Variants in PREX1 observed in about 807,000 individuals in gnomAD.
PREX1 encodes phosphatidylinositol-3,4,5-trisphosphate dependent Rac exchange factor 1.
Under a neutral mutation model 198.3 loss-of-function variants are expected in PREX1, and 41 were observed. The ratio of observed to expected loss-of-function variants is 0.21; its 90% CI spans 0.16 to 0.27. PREX1 has a LOEUF of 0.27. PREX1 is among the 10% of genes least tolerant of loss of function. PREX1 has a pLI of 1.00. For missense variants in PREX1, 1,620 were observed against 2,200.7 expected, an observed-to-expected ratio of 0.74 and a Z score of 5.28; for synonymous variants, 843 against 887.2, an observed-to-expected ratio of 0.95 and a Z score of 0.89.
chr20:48,700,609 T>C (rs1366414641), intron 7 of PREX1, 144 bp downstream of exon 7: 8 of 1,043,764 alleles, frequency 7.7e-6, no homozygotes, highest in South Asian at 3.5e-5. Flanking sequence ...GTGGCTTGCA[T>C]TGTATTCCTA....
chr20:48,833,135 G>T, the PREX1 span, among the ~76,000 whole-genome samples: 1 of 152,174 alleles, frequency 6.6e-6, no homozygotes, highest in African/African-American at 2.4e-5. Context: ...TTGTTGTGCA[G>T]GTTAAAATAT....
At chr20:48,653,273 G>GT (rs2089514669) in intron 20 of PREX1, 88 bp downstream of exon 20, 3 of 1,541,884 alleles carry the variant, frequency 1.9e-6, no homozygotes, top group Non-Finnish European at 2.6e-6. Flanking sequence ...GGTACATGCA[G>GT]GCTTTTCTCT....
chr20:48,779,283 T>C (rs1327250955), intron 1 of PREX1, among the ~76,000 whole-genome samples: 1 of 152,186 alleles, frequency 6.6e-6, no homozygotes, highest in African/African-American at 2.4e-5. Context: ...TAAGTTAAAA[T>C]TACAATGGGA....
intron 6 of PREX1, among the ~76,000 whole-genome samples, chr20:48,704,618 G>A (rs1243455122): frequency 6.6e-6 from 1 of 151,620 alleles, no homozygotes; most frequent in Non-Finnish European, 1.5e-5. Flanking sequence ...GAGTGCAGTG[G>A]TGTGATCTCA....
rs750667359 is a variant in PREX1 at position 48,630,802 on chromosome 20, A to G, written c.4527-8T>C. 1.3e-6 allele frequency: 2 copies of G among 1,564,434 alleles called. No homozygotes were observed. Among genetic ancestry groups the G allele is most frequent in the South Asian group, 1.1e-5 (1 of 90,014 alleles). On this transcript the variant is annotated splice_region_variant and splice_polypyrimidine_tract_variant and intron_variant, in intron 35 of 39. Transcript: ENST00000371941. Reference sequence around the variant, plus strand: ...CGCTCCAGGTAAAATGCCCTGCGAGAGAAAGATGGGAATGAGGCGGGGGCC... The same window carrying G: ...CGCTCCAGGTAAAATGCCCTGCGAGGGAAAGATGGGAATGAGGCGGGGGCC...
At chr20:48,661,761 C>T (rs1158940464) in intron 15 of PREX1, among the ~76,000 whole-genome samples, 1 of 151,710 alleles carries the variant, frequency 6.6e-6, no homozygotes, top group Non-Finnish European at 1.5e-5. Context: ...GACGGGGAGA[C>T]TAAGACTCAG....
At position 48,629,438 on chromosome 20, in the gene PREX1, C is replaced by G; in HGVS notation, c.4766+11G>C. On this transcript the variant is annotated intron_variant, in intron 37 of 39. Transcript: ENST00000371941. The stretch of plus-strand genomic sequence containing the variant: ...CCTCCCCACACCCCGACTCAGCGGG[C>G]AGCAGCTCACCTCTGCATGCCTGTG... 6.2e-7 allele frequency: 1 copy of G among 1,610,478 alleles called. No individual in the cohort carries two copies. Among genetic ancestry groups the G allele is most frequent in the Non-Finnish European group, 8.5e-7 (1 of 1,177,774 alleles).
At position 48,668,170 on chromosome 20, in the gene PREX1, C is replaced by T. The variant is rs187386689; in HGVS notation, c.1666-1815G>A. Among the ~76,000 whole-genome samples the T allele has an allele frequency of 7.3e-3, 1,103 of 152,122 alleles. 23 individuals carry two copies. The highest frequency in any genetic ancestry group is 0.048 in the Admixed American group (730 of 15,280). On this transcript the variant is annotated intron_variant, in intron 14 of 39. Transcript: ENST00000371941. Reference sequence around the variant, plus strand: ...ACGTGTGTGTGTGTGTGCGTGCATGCGCATGTGCAGGTGGGAGGGACTGTC... The same window carrying T: ...ACGTGTGTGTGTGTGTGCGTGCATGTGCATGTGCAGGTGGGAGGGACTGTC...
At chr20:48,769,938 T>G (rs1448539060) in intron 1 of PREX1, among the ~76,000 whole-genome samples, 1 of 152,198 alleles carries the variant, frequency 6.6e-6, no homozygotes, top group East Asian at 1.9e-4. Flanking sequence ...TTGTCTGTAT[T>G]GTGCACTGCG....
rs116203766 is a variant in PREX1, at chr20:48,667,090, C to T, written c.1666-735G>A. ...CCTGGCCCTTTCTTTCTCTTCCTCC[C>T]GCCTGGAACAAAGATGTGGTGGCTG... On this transcript the variant is annotated intron_variant, in intron 14 of 39. Coordinates refer to ENST00000371941, the MANE Select transcript of PREX1 (RefSeq NM_020820.4). Among the ~76,000 whole-genome samples, 307 of 152,244 alleles carry T rather than the reference C, an allele frequency of 2.0e-3. 1 individual carries two copies. The highest frequency in any genetic ancestry group is 6.6e-3 in the African/African-American group (275 of 41,530).
chr20:48,883,694 T>G, the PREX1 span, among the ~76,000 whole-genome samples: 1 of 152,018 alleles, frequency 6.6e-6, no homozygotes, highest in Non-Finnish European at 1.5e-5. Context: ...AGTACAAAAC[T>G]TATGCTGTGA....
chr20:48,676,362 C>A, intron 13 of PREX1, 94 bp from the exon 14 acceptor site: 1 of 1,151,706 alleles, frequency 8.7e-7, no homozygotes, highest in South Asian at 1.2e-5. Context: ...GCCCACGAGT[C>A]AAGGATCTCC....
chr20:48,745,817 C>G (rs2090105037), intron 2 of PREX1, among the ~76,000 whole-genome samples: 1 of 152,200 alleles, frequency 6.6e-6, no homozygotes, highest in Non-Finnish European at 1.5e-5. Context: ...CACCCCGCCA[C>G]ACACACAGGA....
chr20:48,650,157 G>A lies in PREX1; in HGVS notation c.2867C>T (p.Pro956Leu), dbSNP rs1417254203. 2.5e-6 allele frequency: 4 copies of A among 1,613,846 alleles called. No homozygotes were observed. The highest frequency in any genetic ancestry group is 3.4e-6 in the Non-Finnish European group (4 of 1,179,956). ...GCCACACAGCGGGTGGGGCTCCAGG[G>A]GGGCTTGTTTGAAGGGTGGGCTGAC... ...SRVSPPFKQAPLEPHPLCGLD... is the reference protein window; with the variant it reads ...SRVSPPFKQALLEPHPLCGLD... Residue 956 changes from proline to leucine, a missense_variant, in exon 24 of 40, where the codon CCC becomes CTC. Pro to Leu is a moderately conservative substitution (Grantham distance 98). Around this residue, in one of 7 missense-constraint regions of PREX1, gnomAD observed 514 missense variants for 611.6 expected, o/e 0.84. Coordinates refer to ENST00000371941, the MANE Select transcript of PREX1 (RefSeq NM_020820.4).
At chr20:48,789,594 TGAA>T (rs2090328354) in intron 1 of PREX1, among the ~76,000 whole-genome samples, 1 of 152,242 alleles carries the variant, frequency 6.6e-6, no homozygotes, top group Non-Finnish European at 1.5e-5. Flanking sequence ...CGCAGCCACT[TGAA>T]ATGAGTATTT....
rs758320579 is a variant in PREX1, at chr20:48,644,471, A to T, written c.3539T>A (p.Val1180Asp). ...ACTTCTCACGCTGGTGTAGGACAGG[A>T]CCGAGTCTCGATTGCTGTTACACTC... ...YSECNSNRDS[V>D]LSYTSVRSNS... Residue 1180 changes from valine (V) to aspartate (D), a missense_variant, in exon 27 of 40, where the codon GTC becomes GAC. By Grantham distance (152) the Val-to-Asp change is radical. Coordinates refer to ENST00000371941, the MANE Select transcript of PREX1 (RefSeq NM_020820.4). 6.2e-7 allele frequency: 1 copy of T among 1,613,894 alleles called. No homozygotes were observed.
rs182204461 is a variant in PREX1 at position 48,729,320 on chromosome 20, G to T, written c.520-2929C>A. 9.2e-5 allele frequency among the ~76,000 whole-genome samples: 14 copies of T among 152,126 alleles called. No individual in the cohort carries two copies. The East Asian group carries it at 2.7e-3, about 29-fold the overall frequency. ...TTGAACTCCTGACCTCAGGTGATCT[G>T]CCTGCCTCGGCCTCCTAAAGTGCTA... On this transcript the variant is annotated intron_variant, in intron 4 of 39. Transcript: ENST00000371941.
intron 37 of PREX1, 79 bp downstream of exon 37, chr20:48,629,370 T>A (rs549911436): frequency 1.3e-6 from 2 of 1,535,864 alleles, no homozygotes; most frequent in East Asian, 4.5e-5. Context: ...CCTTCCTGCC[T>A]CCTTGCCACA....
intron 21 of PREX1, 139 bp downstream of exon 21, chr20:48,652,447 G>GAA: frequency 6.8e-5 from 76 of 1,115,570 alleles, no homozygotes; most frequent in African/African-American, 1.1e-4. Flanking sequence ...CTCCAAAAAG[G>GAA]AAAAAAAAAA....
Sources: gnomAD v4.1 joint callset for allele counts (sites outside exome capture counted in the v4.1 genomes callset) on GRCh38, gnomAD v4.1.1 for gene constraint, gnomAD v4.1.1 regional missense constraint, MANE v1.5 for transcripts, NCBI Gene and HGNC (gene_info 2026-07-23, HGNC 2026-07-21) for gene names.